The following INSL6 variants were observed in gnomAD, a reference collection of about 807,000 sequenced individuals.
INSL6 encodes the protein insulin-like peptide INSL6.
INSL6 carries 16 observed loss-of-function variants against 9.4 expected under a neutral mutation model. The observed-to-expected ratio is 1.70, with a 90% CI of 1.15 to 2.59. The LOEUF (loss-of-function observed/expected upper bound fraction) is 2.59. Among genes scored for constraint, INSL6 ranks in the 30% most tolerant of loss-of-function variants. The pLI is 0.00. For synonymous variants in INSL6, 154 were observed against 96.9 expected, an observed-to-expected ratio of 1.59 and a Z score of -3.46; for missense variants, 391 against 257.3, an observed-to-expected ratio of 1.52 and a Z score of -3.56.
At chr9:5,127,437 C>G (rs1374438613) in intron 3 of INSL6, 2 of 231,328 alleles carry the variant, frequency 8.6e-6, no homozygotes, top group Non-Finnish European at 1.7e-5. Context: ...GAACAAATGT[C>G]TAGTTTTATT....
chr9:5,179,636 C>T (rs1324352959), intron 1 of INSL6, among the ~76,000 whole-genome samples: 1 of 152,220 alleles, frequency 6.6e-6, no homozygotes, highest in Non-Finnish European at 1.5e-5. Flanking sequence ...AAACTTGCTA[C>T]ACATACACCA....
At chr9:5,022,675 T>G in the INSL6 span, among the ~76,000 whole-genome samples, 1 of 152,220 alleles carries the variant, frequency 6.6e-6, no homozygotes, top group Non-Finnish European at 1.5e-5. Context: ...TCTTATGTCT[T>G]TGGTGTATCT....
chr9:5,090,928 A>G, the INSL6 span: 1 of 1,510,716 alleles, frequency 6.6e-7, no homozygotes, highest in Admixed American at 2.2e-5. Flanking sequence ...ATATTTCAGT[A>G]TGATAAATGA....
the INSL6 span, among the ~76,000 whole-genome samples, chr9:5,019,320 T>C: frequency 6.6e-6 from 1 of 152,162 alleles, no homozygotes; most frequent in Non-Finnish European, 1.5e-5. Flanking sequence ...TCTTCGTAGA[T>C]GCTCTAGAAT....
chr9:5,174,039 C>G (rs576925633), intron 1 of INSL6, among the ~76,000 whole-genome samples: 1 of 152,326 alleles, frequency 6.6e-6, no homozygotes, highest in Admixed American at 6.5e-5. Context: ...ACTATACACT[C>G]TAAAGCCAAT....
the INSL6 span, among the ~76,000 whole-genome samples, chr9:5,002,291 C>A: frequency 5.4e-3 from 819 of 151,940 alleles, 12 homozygotes; most frequent in African/African-American, 0.019. Flanking sequence ...GCTATACATT[C>A]TCTCTAACCA....
At chr9:5,090,411 A>T in the INSL6 span, 1 of 1,451,618 alleles carries the variant, frequency 6.9e-7, no homozygotes, top group African/African-American at 1.4e-5. Flanking sequence ...ATAATATGGC[A>T]GAGTAAAACA....
At chr9:5,007,210 C>T in the INSL6 span, among the ~76,000 whole-genome samples, 13,288 of 151,922 alleles carry the variant, frequency 0.087, 1,696 homozygotes, top group African/African-American at 0.29. Context: ...TAACATTGTT[C>T]AGCCTTTCTT....
the INSL6 span, among the ~76,000 whole-genome samples, chr9:5,116,529 T>C: frequency 0.11 from 16,263 of 152,210 alleles, 2,737 homozygotes; most frequent in African/African-American, 0.36. Context: ...ATTGTTTTTA[T>C]TGTTTTCAGA....
the INSL6 span, among the ~76,000 whole-genome samples, chr9:5,003,021 C>T: frequency 3.6e-3 from 540 of 152,078 alleles, 3 homozygotes; most frequent in African/African-American, 0.012. Context: ...TGCAATGGCA[C>T]ATCTGTTCCA....
At chr9:5,020,423 G>A in the INSL6 span, among the ~76,000 whole-genome samples, 46 of 152,298 alleles carry the variant, frequency 3.0e-4, 1 homozygote, top group East Asian at 6.6e-3. Flanking sequence ...GGTGTTAGCA[G>A]GTGCTGTTTG....
the INSL6 span, chr9:5,069,941 A>G: frequency 8.1e-6 from 13 of 1,599,854 alleles, no homozygotes; most frequent in South Asian, 1.5e-4. Flanking sequence ...CAAACCTTCT[A>G]GTCTTCAGAA....
the INSL6 span, among the ~76,000 whole-genome samples, chr9:5,071,637 A>T: frequency 1.3e-5 from 2 of 152,186 alleles, no homozygotes; most frequent in Non-Finnish European, 2.9e-5. Context: ...AAAGAAATGG[A>T]TTATATGAAA....
At chr9:5,113,065 G>A in the INSL6 span, among the ~76,000 whole-genome samples, 1 of 152,010 alleles carries the variant, frequency 6.6e-6, no homozygotes, top group Non-Finnish European at 1.5e-5. Flanking sequence ...AGCTCCCTGG[G>A]ACCCCGGCTC....
the INSL6 span, chr9:5,090,535 A>G: frequency 4.4e-6 from 7 of 1,598,750 alleles, no homozygotes; most frequent in African/African-American, 8.0e-5. Context: ...GATAGATCAC[A>G]TAAAACTTCT....
the INSL6 span, among the ~76,000 whole-genome samples, chr9:5,096,156 G>A: frequency 2.0e-5 from 3 of 151,876 alleles, no homozygotes; most frequent in Admixed American, 1.3e-4. Context: ...CCAATAATAC[G>A]AAAATAAAAT....
the INSL6 span, chr9:5,089,861 C>G: frequency 6.8e-7 from 1 of 1,478,954 alleles, no homozygotes; most frequent in East Asian, 2.6e-5. Flanking sequence ...TGCTACAGTG[C>G]TGGTAAGCTG....
the INSL6 span, among the ~76,000 whole-genome samples, chr9:5,079,406 T>G: frequency 6.6e-6 from 1 of 152,240 alleles, no homozygotes; most frequent in Non-Finnish European, 1.5e-5. Flanking sequence ...TTCCGTGATT[T>G]GAGCAGAGCC....
the INSL6 span, among the ~76,000 whole-genome samples, chr9:5,012,772 G>T: frequency 6.6e-6 from 1 of 152,176 alleles, no homozygotes; most frequent in South Asian, 2.1e-4. Context: ...AGTGGAAAGA[G>T]CACATAGCAA....
Sources: gnomAD v4.1 joint callset for allele counts (sites outside exome capture counted in the v4.1 genomes callset) on GRCh38, gnomAD v4.1.1 for gene constraint, MANE v1.5 for transcripts, NCBI Gene and HGNC (gene_info 2026-07-23, HGNC 2026-07-21) for gene names.